The following AGAP1 variants were observed in gnomAD, a reference collection of about 807,000 sequenced individuals.
AGAP1 encodes arf-GAP with GTPase, ANK repeat and PH domain-containing protein 1.
In AGAP1, 29 loss-of-function variants were observed where a neutral mutation model predicts 105.3. That is an observed-to-expected ratio of 0.28 (90% CI 0.21 to 0.38). The LOEUF is 0.38. Among genes scored for constraint, AGAP1 ranks in the 10% least tolerant of loss-of-function variants. The pLI is 1.00. For synonymous variants in AGAP1, 509 were observed against 485.9 expected, an observed-to-expected ratio of 1.05 and a Z score of -0.63; for missense variants, 998 against 1,165.1, an observed-to-expected ratio of 0.86 and a Z score of 2.09.
rs1953493037 is a variant in AGAP1 at position 235,752,116 on chromosome 2, G to A, written c.673+1628G>A. Among the ~76,000 whole-genome samples, 1 of 152,204 alleles carries A rather than the reference G, an allele frequency of 6.6e-6. No individual in the cohort carries two copies. The highest frequency in any genetic ancestry group is 2.4e-5 in the African/African-American group (1 of 41,450). On this transcript the variant is annotated intron_variant, in intron 6 of 17. Transcript: ENST00000304032. This position sits in a 1 kb window ranked among gnomAD's most constrained non-coding sequence, Gnocchi z 4.3. ...AGGCCCCTGTGAATGTTGAAGTAAA[G>A]CGTCGTAGATGAAGGGTCCCCAGGC...
At chr2:235,907,068 G>A (rs2051341549) in intron 10 of AGAP1, among the ~76,000 whole-genome samples, 1 of 152,090 alleles carries the variant, frequency 6.6e-6, no homozygotes, top group South Asian at 2.1e-4. Context: ...GGAAGCCACT[G>A]GGATCTCGCT....
rs993356640 is a variant in AGAP1, at chr2:236,083,247, G to A, written c.2114+33966G>A. ...GGCTGTTGTCAGTCGCCGAGGCTTC[G>A]GTCTCAGGTTTTTCAGGTCAGTGTG... On this transcript the variant is annotated intron_variant, in intron 16 of 17. Coordinates refer to ENST00000304032, the MANE Select transcript of AGAP1 (RefSeq NM_001037131.3). The surrounding 1 kb of genome is among the most constrained non-coding windows in gnomAD (Gnocchi z 5.3). Among the ~76,000 whole-genome samples the A allele has an allele frequency of 6.6e-6, 1 of 152,176 alleles. No homozygotes were observed. The highest frequency in any genetic ancestry group is 2.4e-5 in the African/African-American group (1 of 41,462).
intron 13 of AGAP1, among the ~76,000 whole-genome samples, chr2:236,006,508 ATC>A (rs2056328117): frequency 6.6e-6 from 1 of 152,246 alleles, no homozygotes; most frequent in Non-Finnish European, 1.5e-5. Context: ...AACCATCTGT[ATC>A]TATATTTAAC....
intron 11 of AGAP1, among the ~76,000 whole-genome samples, chr2:235,923,156 C>T (rs902430470): frequency 2.0e-5 from 3 of 152,148 alleles, no homozygotes; most frequent in Admixed American, 2.0e-4. Context: ...TCATGTATTT[C>T]ATGGTAACGC....
chr2:235,918,970 G>A (rs1239844832), intron 11 of AGAP1, among the ~76,000 whole-genome samples: 1 of 152,138 alleles, frequency 6.6e-6, no homozygotes, highest in African/African-American at 2.4e-5. Context: ...CCTTGAGTTG[G>A]ATGTGGTAAC....
At chr2:235,757,777 C>T (rs1357950631) in intron 6 of AGAP1, among the ~76,000 whole-genome samples, 4 of 152,086 alleles carry the variant, frequency 2.6e-5, no homozygotes, top group Non-Finnish European at 4.4e-5. Context: ...CTGGTGTGTG[C>T]AAAGAACCCC....
intron 6 of AGAP1, among the ~76,000 whole-genome samples, chr2:235,779,342 T>A (rs1021521354): frequency 2.0e-5 from 3 of 152,190 alleles, no homozygotes; most frequent in Admixed American, 6.5e-5. Flanking sequence ...TGGGTTTGAC[T>A]TTTTTTGAGG....
intron 13 of AGAP1, among the ~76,000 whole-genome samples, chr2:235,998,825 T>C (rs2055934056): frequency 6.9e-6 from 1 of 144,074 alleles, no homozygotes; most frequent in Admixed American, 6.9e-5. Flanking sequence ...TTGGTGAGAG[T>C]TGGTGATGGT....
chr2:236,043,493 A>G (rs1370875629), intron 15 of AGAP1, among the ~76,000 whole-genome samples: 3 of 152,140 alleles, frequency 2.0e-5, no homozygotes, highest in African/African-American at 7.2e-5. Context: ...TTGGGAGGCC[A>G]AGGTGGGCGG....
chr2:235,829,930 G>A (rs1170696712), intron 9 of AGAP1, among the ~76,000 whole-genome samples: 2 of 152,154 alleles, frequency 1.3e-5, no homozygotes, highest in Non-Finnish European at 2.9e-5. Flanking sequence ...TTCAGGAAGT[G>A]ACAAGTAGTC....
Position 235,799,280 on chromosome 2 carries a change from T to C in AGAP1, c.802-87T>C. The C allele has an allele frequency of 2.7e-6, 4 of 1,475,844 alleles. No homozygotes were observed. The highest frequency in any genetic ancestry group is 3.7e-6 in the Non-Finnish European group (4 of 1,079,460). The allele number at this position is 1,475,844 out of a possible 1,614,324, so 91.4% of individuals were successfully genotyped here. A position where few individuals can be genotyped will look rare whatever the true frequency, so the allele number is the denominator to read the frequency against. ...TGCATCCCTTCCATGGGGCTCATGC[T>C]CACTTGTTGGTTATGACCTTGCCTA... On this transcript the variant is annotated intron_variant, in intron 7 of 17. Transcript: ENST00000304032. The surrounding 1 kb of genome is among the most constrained non-coding windows in gnomAD (Gnocchi z 5.0).
Position 235,586,126 on chromosome 2 carries a change from G to A in AGAP1, c.163+91277G>A, listed in dbSNP as rs1945102214. On this transcript the variant is annotated intron_variant, in intron 1 of 17. Transcript: ENST00000304032. The surrounding 1 kb of genome is among the most constrained non-coding windows in gnomAD (Gnocchi z 4.2). ...CTGAAAAAAATGCCTCCTGGAAAAA[G>A]CAGTAAATGTAAGGATTTAGGTCGG... 1.3e-5 allele frequency among the ~76,000 whole-genome samples: 2 copies of A among 152,144 alleles called. No individual in the cohort carries two copies. The highest frequency in any genetic ancestry group is 4.2e-4 in the South Asian group (2 of 4,816).
In AGAP1 at chr2:235,718,137, T is replaced by TA. The variant is rs1951211900; in HGVS notation, c.310+493_310+494insA. 2.1e-5 allele frequency among the ~76,000 whole-genome samples: 3 copies of TA among 145,746 alleles called. No homozygotes were observed. In the Admixed American group the frequency reaches 2.1e-4, roughly 10 times the overall value. ...ATAATCATTTTGCATGAGAGTAAGA[T>TA]TTTTTTTTTTGCCATTAGGCATTTG... On this transcript the variant is annotated intron_variant, in intron 3 of 17. Coordinates refer to ENST00000304032, the MANE Select transcript of AGAP1 (RefSeq NM_001037131.3).
chr2:235,561,269 A>G (rs1034568500), intron 1 of AGAP1, among the ~76,000 whole-genome samples: 1 of 152,188 alleles, frequency 6.6e-6, no homozygotes, highest in African/African-American at 2.4e-5. Context: ...AGTATCTCCA[A>G]TTTTAAACTG....
intron 9 of AGAP1, among the ~76,000 whole-genome samples, chr2:235,878,608 C>T (rs1575676333): frequency 6.6e-6 from 1 of 152,156 alleles, no homozygotes; most frequent in East Asian, 1.9e-4. Flanking sequence ...TCTCAGGCTG[C>T]TCCTGGATTT....
intron 13 of AGAP1, among the ~76,000 whole-genome samples, chr2:236,032,510 G>T (rs1448100755): frequency 6.6e-6 from 1 of 152,216 alleles, no homozygotes; most frequent in Non-Finnish European, 1.5e-5. Flanking sequence ...ACTAAGCACA[G>T]CCCATGGCCC....
chr2:235,860,890 G>A (rs1005515939), intron 9 of AGAP1, among the ~76,000 whole-genome samples: 1 of 152,106 alleles, frequency 6.6e-6, no homozygotes, highest in Non-Finnish European at 1.5e-5. Flanking sequence ...TAATATTGTT[G>A]ATGGGGCCCA....
chr2:235,896,535 T>A (rs529002907), intron 10 of AGAP1, among the ~76,000 whole-genome samples: 4 of 152,306 alleles, frequency 2.6e-5, no homozygotes, highest in Admixed American at 1.3e-4. Flanking sequence ...CTGGGCCCAG[T>A]CCTGACCACA....
rs141585625 is a variant in AGAP1 at position 235,958,932 on chromosome 2, C to T, written c.1484-9530C>T. Among the ~76,000 whole-genome samples, 53 of 152,274 alleles carry T rather than the reference C, an allele frequency of 3.5e-4. No homozygotes were observed. Among genetic ancestry groups the T allele is most frequent in the Middle Eastern group, 3.4e-3 (1 of 294 alleles). On this transcript the variant is annotated intron_variant, in intron 12 of 17. Coordinates refer to ENST00000304032, the MANE Select transcript of AGAP1 (RefSeq NM_001037131.3). This position sits in a 1 kb window ranked among gnomAD's most constrained non-coding sequence, Gnocchi z 4.1. ...ACTGCAGATTGTGATCATTATTGCT[C>T]GTATTATATATTTTTTGGGGTGTGC...
Sources: allele counts gnomAD v4.1 joint callset (sites outside exome capture counted in the v4.1 genomes callset), GRCh38; gene constraint gnomAD v4.1.1; non-coding constraint Gnocchi (gnomAD v3.1); transcripts MANE v1.5; gene names NCBI Gene and HGNC (gene_info 2026-07-23, HGNC 2026-07-21).